SUSD5: variants seen among roughly 807,000 people sequenced by gnomAD.
The protein encoded by SUSD5 is sushi domain containing 5, also known as sushi domain-containing protein 5.
In SUSD5, 33 loss-of-function variants were observed where a neutral mutation model predicts 29.5. That is an observed-to-expected ratio of 1.12 (90% CI 0.85 to 1.49). The LOEUF is 1.49. Ranked by LOEUF, SUSD5 falls within the 40% of genes most tolerant of loss-of-function variation. The pLI, the probability that SUSD5 is intolerant of heterozygous loss-of-function variation, is 0.00. For synonymous variants in SUSD5, 308 were observed against 325.3 expected, an observed-to-expected ratio of 0.95 and a Z score of 0.57; for missense variants, 776 against 800.6, an observed-to-expected ratio of 0.97 and a Z score of 0.37.
At chr3:33,182,003 T>C (rs1180359981) in intron 3 of SUSD5, among the ~76,000 whole-genome samples, 1 of 152,262 alleles carries the variant, frequency 6.6e-6, no homozygotes, top group Non-Finnish European at 1.5e-5. Flanking sequence ...GCTCTTCTTT[T>C]TTGAGTTTTC....
intron 2 of SUSD5, 52 bp downstream of exon 2, chr3:33,213,876 C>T: frequency 6.5e-7 from 1 of 1,544,048 alleles, no homozygotes; most frequent in Non-Finnish European, 8.8e-7. Context: ...CCTATATAAG[C>T]CTTGGTGGTG....
intron 3 of SUSD5, among the ~76,000 whole-genome samples, chr3:33,184,083 ACACACCAC>A (rs927130548): frequency 3.3e-5 from 5 of 151,450 alleles, no homozygotes; most frequent in African/African-American, 1.2e-4. Flanking sequence ...GACTACAGGC[ACACACCAC>A]CACACCTGGC....
chr3:33,182,513 G>C (rs1438750421), intron 3 of SUSD5, among the ~76,000 whole-genome samples: 9 of 152,140 alleles, frequency 5.9e-5, no homozygotes, highest in Non-Finnish European at 1.3e-4. Context: ...TTCTGACAGA[G>C]GGGTGTTTAA....
intron 2 of SUSD5, among the ~76,000 whole-genome samples, chr3:33,212,617 T>C (rs1156236002): frequency 6.6e-6 from 1 of 152,214 alleles, no homozygotes. Flanking sequence ...TTCACATTTT[T>C]GGCAGTTAAT....
Position 33,204,681 on chromosome 3 carries a change from TCTGTCGC to T in SUSD5, c.409+3120_409+3126del, listed in dbSNP as rs1227165349. Among the ~76,000 whole-genome samples, 1 of 151,666 alleles carries T rather than the reference TCTGTCGC, an allele frequency of 6.6e-6. No homozygotes were observed. Among genetic ancestry groups the T allele is most frequent in the Non-Finnish European group, 1.5e-5 (1 of 67,938 alleles). On this transcript the variant is annotated intron_variant, in intron 3 of 4. Coordinates refer to ENST00000309558, the MANE Select transcript of SUSD5 (RefSeq NM_015551.2). This position sits in a 1 kb window ranked among gnomAD's most constrained non-coding sequence, Gnocchi z 4.5. Reference sequence around the variant, plus strand: ...TGTTTTGTTTTTGAGACAGTCTTGCTCTGTCGCCCAGGATGGAGTGCAGTGATGTGAT... The same window carrying T: ...TGTTTTGTTTTTGAGACAGTCTTGCTCCAGGATGGAGTGCAGTGATGTGAT...
intron 3 of SUSD5, among the ~76,000 whole-genome samples, chr3:33,185,256 T>G (rs897576013): frequency 6.6e-6 from 1 of 152,254 alleles, no homozygotes; most frequent in Non-Finnish European, 1.5e-5. Flanking sequence ...ATCACAGGCC[T>G]TGTTAAGAAG....
At chr3:33,171,071 G>A (rs1222149158) in intron 4 of SUSD5, among the ~76,000 whole-genome samples, 3 of 152,256 alleles carry the variant, frequency 2.0e-5, no homozygotes, top group Non-Finnish European at 4.4e-5. Flanking sequence ...GCCGGGTGCA[G>A]TGGCTCACAC....
intron 3 of SUSD5, among the ~76,000 whole-genome samples, chr3:33,197,627 C>T (rs918187482): frequency 1.3e-5 from 2 of 152,152 alleles, no homozygotes; most frequent in Admixed American, 6.6e-5. Context: ...TAGACACCCT[C>T]CCCTACTCCA....
intron 3 of SUSD5, among the ~76,000 whole-genome samples, chr3:33,184,309 T>C (rs557440334): frequency 4.6e-5 from 7 of 152,294 alleles, no homozygotes; most frequent in African/African-American, 1.7e-4. Flanking sequence ...TGCTCGTCCA[T>C]AGATAAGGTA....
intron 3 of SUSD5, among the ~76,000 whole-genome samples, chr3:33,195,637 A>C (rs1235563487): frequency 6.6e-6 from 1 of 152,180 alleles, no homozygotes; most frequent in African/African-American, 2.4e-5. Flanking sequence ...ACGTCTAATA[A>C]CAGGAGAATG....
intron 3 of SUSD5, among the ~76,000 whole-genome samples, chr3:33,192,223 G>A (rs906461078): frequency 2.7e-5 from 4 of 149,720 alleles, no homozygotes; most frequent in African/African-American, 7.4e-5. Context: ...ACAGGCATGC[G>A]CCACCACATC....
rs776955186 is a variant in SUSD5, at chr3:33,153,184, A to G, written c.1448T>C (p.Met483Thr). The change falls in exon 5 of 5, where the codon ATG (methionine) becomes ACG (threonine). Residue 483 changes from methionine (M) to threonine (T), a missense_variant. Transcript: ENST00000309558. ...GGTGAGCTCATAGGACAGGGTGGCC[A>G]TGGGAGATTCCTCTGTGATGAATCT... ...PWRFITEESP[M>T]ATLSYELTSS... 3.7e-6 allele frequency: 6 copies of G among 1,613,868 alleles called. No homozygotes were observed. Among genetic ancestry groups the G allele is most frequent in the Middle Eastern group, 1.6e-4 (1 of 6,062 alleles).
Position 33,207,806 on chromosome 3 carries a change from A to C in SUSD5, c.409+2T>G. The C allele has an allele frequency of 6.2e-7, 1 of 1,604,254 alleles. No individual in the cohort carries two copies. Among genetic ancestry groups the C allele is most frequent in the Middle Eastern group, 1.7e-4 (1 of 6,042 alleles). The stretch of plus-strand genomic sequence containing the variant: ...CACCTTTAAGAAGACTCTGGCACTG[A>C]CCTTCATCCTTAATACAAAGGGCAC... On this transcript the variant is annotated splice_donor_variant, in intron 3 of 4. Transcript: ENST00000309558. LOFTEE classifies it high-confidence loss of function.
chr3:33,209,530 C>CT (rs917859818), intron 2 of SUSD5, among the ~76,000 whole-genome samples: 13 of 151,844 alleles, frequency 8.6e-5, no homozygotes, highest in Non-Finnish European at 1.8e-4. Flanking sequence ...CTCTTTGGCT[C>CT]TTTTTTTTAA....
At position 33,204,352 on chromosome 3, in the gene SUSD5, G is replaced by A. The variant is rs58345961; in HGVS notation, c.409+3456C>T. Among the ~76,000 whole-genome samples, 5,820 of 151,738 alleles carry A rather than the reference G, an allele frequency of 0.038. 320 individuals are homozygous for A. The highest frequency in any genetic ancestry group is 0.13 in the African/African-American group (5,270 of 41,380). ...TTTGTTTGTTTTTTGAGACAGTCTT[G>A]TTCTGTCACCCAGGGTGGAGTGCAG... is the stretch of plus-strand genomic sequence containing the variant. On this transcript the variant is annotated intron_variant, in intron 3 of 4. Transcript: ENST00000309558. This position sits in a 1 kb window ranked among gnomAD's most constrained non-coding sequence, Gnocchi z 4.5.
At chr3:33,200,333 A>G (rs1324186008) in intron 3 of SUSD5, among the ~76,000 whole-genome samples, 1 of 152,238 alleles carries the variant, frequency 6.6e-6, no homozygotes, top group Non-Finnish European at 1.5e-5. Flanking sequence ...ATTTTTAAAT[A>G]GCAGCCTAAG....
chr3:33,196,002 C>T (rs773785496), intron 3 of SUSD5, among the ~76,000 whole-genome samples: 1 of 152,206 alleles, frequency 6.6e-6, no homozygotes, highest in African/African-American at 2.4e-5. Flanking sequence ...TAGAATTAAA[C>T]GAACATATGC....
At chr3:33,184,126 G>A (rs1372633310) in intron 3 of SUSD5, among the ~76,000 whole-genome samples, 1 of 151,496 alleles carries the variant, frequency 6.6e-6, no homozygotes, top group Non-Finnish European at 1.5e-5. Context: ...TTTTAGTAGA[G>A]ATGGGGTTTC....
intron 3 of SUSD5, among the ~76,000 whole-genome samples, chr3:33,186,679 C>T (rs1323795009): frequency 6.6e-6 from 1 of 152,118 alleles, no homozygotes; most frequent in East Asian, 1.9e-4. Flanking sequence ...CCCGCCTCGG[C>T]CTCCCAAAGT....
Sources: allele counts gnomAD v4.1 joint callset (sites outside exome capture counted in the v4.1 genomes callset), GRCh38; gene constraint gnomAD v4.1.1; non-coding constraint Gnocchi (gnomAD v3.1); transcripts MANE v1.5; gene names NCBI Gene and HGNC (gene_info 2026-07-23, HGNC 2026-07-21).